Variants in TTLL5 observed in about 807,000 individuals in gnomAD.
The protein encoded by TTLL5 is tubulin tyrosine ligase like 5, also known as tubulin polyglutamylase TTLL5.
A neutral mutation model predicts 168.4 loss-of-function variants in TTLL5; 132 were observed. The ratio of observed to expected loss-of-function variants is 0.78; its 90% CI spans 0.68 to 0.91. TTLL5 has a LOEUF of 0.91. TTLL5 is among the 40% of genes least tolerant of loss of function. The pLI is 0.00. For synonymous variants in TTLL5, 546 were observed against 558.6 expected (o/e 0.98, Z 0.32); for missense variants, 1,545 against 1,581.5 (o/e 0.98, Z 0.39).
chr14:75,933,825 T>G (rs879187622), intron 31 of TTLL5, among the ~76,000 whole-genome samples: 2 of 152,190 alleles, frequency 1.3e-5, no homozygotes, highest in African/African-American at 4.8e-5. Flanking sequence ...CCAGTGTGAC[T>G]TCTTACAAGA....
intron 30 of TTLL5, among the ~76,000 whole-genome samples, chr14:75,893,817 C>CAAAAAA (rs61332109): frequency 1.4e-4 from 10 of 71,586 alleles, no homozygotes; most frequent in Non-Finnish European, 1.7e-4. Flanking sequence ...GACTCCATCT[C>CAAAAAA]AAAAAAAAAA....
intron 30 of TTLL5, 59 bp downstream of exon 30, chr14:75,882,961 C>G: frequency 6.5e-7 from 1 of 1,541,880 alleles, no homozygotes; most frequent in Non-Finnish European, 8.9e-7. Flanking sequence ...TAATAGTACT[C>G]TTTATTTATT....
chr14:75,907,966 TATA>T (rs1317325975), intron 31 of TTLL5, among the ~76,000 whole-genome samples: 1 of 151,334 alleles, frequency 6.6e-6, no homozygotes, highest in Non-Finnish European at 1.5e-5. Context: ...CTGCCACAGT[TATA>T]ATATCACTTT....
intron 28 of TTLL5, among the ~76,000 whole-genome samples, chr14:75,825,446 C>T (rs1895067103): frequency 6.6e-6 from 1 of 152,126 alleles, no homozygotes; most frequent in Admixed American, 6.5e-5. Flanking sequence ...TCTTTCTACT[C>T]AGCAGGCCCT....
intron 26 of TTLL5, among the ~76,000 whole-genome samples, chr14:75,786,907 C>T (rs1892397067): frequency 6.6e-6 from 1 of 152,120 alleles, no homozygotes; most frequent in African/African-American, 2.4e-5. Context: ...CCGAGTTAGG[C>T]AGATCGCTTG....
Position 75,708,934 on chromosome 14 carries a change from A to G in TTLL5, c.740+1227A>G, listed in dbSNP as rs575659779. On this transcript the variant is annotated intron_variant, in intron 9 of 31. Coordinates refer to ENST00000298832, the MANE Select transcript of TTLL5 (RefSeq NM_015072.5). ...ATTGGAAGAAGAATTGTCTTGGGCCATACCTAAAATACACTAACAATAGCT... is the reference window on the plus strand; with the variant it reads ...ATTGGAAGAAGAATTGTCTTGGGCCGTACCTAAAATACACTAACAATAGCT... Among the ~76,000 whole-genome samples, 13 of 152,294 alleles carry G rather than the reference A, an allele frequency of 8.5e-5. No homozygotes were observed. In the South Asian group the frequency reaches 2.5e-3, roughly 29 times the overall value.
intron 31 of TTLL5, among the ~76,000 whole-genome samples, chr14:75,914,036 AT>A (rs1566658030): frequency 6.1e-5 from 7 of 114,232 alleles, no homozygotes; most frequent in Admixed American, 8.8e-5. Context: ...AAAAAAAAAT[AT>A]ATATATATAT....
intron 9 of TTLL5, 52 bp from the exon 10 acceptor site, chr14:75,717,809 G>A (rs1566826099): frequency 6.5e-7 from 1 of 1,540,982 alleles, no homozygotes; most frequent in African/African-American, 1.4e-5. Flanking sequence ...GTTCCAGCCT[G>A]TATTTCCTTG....
At chr14:75,778,883 C>T (rs941778822) in intron 23 of TTLL5, among the ~76,000 whole-genome samples, 2 of 152,114 alleles carry the variant, frequency 1.3e-5, no homozygotes, top group African/African-American at 4.8e-5. Flanking sequence ...ATACTTTAGT[C>T]TCGTGCATTA....
chr14:75,950,516 G>A (rs918831312), intron 31 of TTLL5, among the ~76,000 whole-genome samples: 16 of 152,164 alleles, frequency 1.1e-4, no homozygotes, highest in African/African-American at 3.9e-4. Context: ...TGAAGATAAT[G>A]TTATCCTGAG....
intron 28 of TTLL5, among the ~76,000 whole-genome samples, chr14:75,830,277 T>C (rs957428475): frequency 2.0e-5 from 3 of 152,370 alleles, no homozygotes; most frequent in Admixed American, 6.5e-5. Context: ...AGTGAGCACC[T>C]GCATCTGGGT....
intron 28 of TTLL5, among the ~76,000 whole-genome samples, chr14:75,862,118 C>T (rs2030062092): frequency 6.6e-6 from 1 of 152,174 alleles, no homozygotes; most frequent in African/African-American, 2.4e-5. Context: ...TTTGTTCTTT[C>T]GTGACTGACT....
chr14:75,760,800 A>C (rs980488072), intron 18 of TTLL5, among the ~76,000 whole-genome samples: 3 of 152,166 alleles, frequency 2.0e-5, no homozygotes, highest in African/African-American at 7.2e-5. Context: ...GATTACTATA[A>C]AACTTATTGA....
intron 31 of TTLL5, among the ~76,000 whole-genome samples, chr14:75,910,329 T>A (rs561463015): frequency 2.0e-5 from 3 of 152,214 alleles, no homozygotes; most frequent in Non-Finnish European, 4.4e-5. Context: ...TTGTGCCTAC[T>A]CCTACATCTT....
chr14:75,931,702 A>G (rs1317563374), intron 31 of TTLL5, among the ~76,000 whole-genome samples: 2 of 152,154 alleles, frequency 1.3e-5, no homozygotes, highest in African/African-American at 4.8e-5. Flanking sequence ...TTGCTCATTA[A>G]AGACCACTCC....
At chr14:75,778,234 G>A (rs1891837395) in intron 23 of TTLL5, among the ~76,000 whole-genome samples, 1 of 152,168 alleles carries the variant, frequency 6.6e-6, no homozygotes, top group Non-Finnish European at 1.5e-5. Flanking sequence ...TGGGGATTAG[G>A]TGTTGATTGT....
chr14:75,761,471 ACT>A (rs2140291042), intron 18 of TTLL5, among the ~76,000 whole-genome samples: 1 of 152,366 alleles, frequency 6.6e-6, no homozygotes, highest in South Asian at 2.1e-4. Flanking sequence ...AGAGCAGATA[ACT>A]GTGGGTTATT....
intron 29 of TTLL5, among the ~76,000 whole-genome samples, chr14:75,873,427 C>T (rs2031211339): frequency 1.3e-5 from 2 of 152,188 alleles, no homozygotes; most frequent in Admixed American, 1.3e-4. Context: ...GAACAACTCC[C>T]TGTTTTCCTC....
At chr14:75,800,820 C>T (rs1413091420) in intron 27 of TTLL5, among the ~76,000 whole-genome samples, 1 of 152,096 alleles carries the variant, frequency 6.6e-6, no homozygotes. Context: ...GTGATGTGAT[C>T]CATCTTCAGG....
Sources: gnomAD v4.1 joint callset for allele counts (sites outside exome capture counted in the v4.1 genomes callset) on GRCh38, gnomAD v4.1.1 for gene constraint, MANE v1.5 for transcripts, NCBI Gene and HGNC (gene_info 2026-07-23, HGNC 2026-07-21) for gene names.